The following YPEL3 variants were observed in gnomAD, a reference collection of about 807,000 sequenced individuals.
YPEL3 encodes the protein yippee like 3.
A neutral mutation model predicts 17.5 loss-of-function variants in YPEL3; 5 were observed. The ratio of observed to expected loss-of-function variants is 0.29; its 90% CI spans 0.15 to 0.60. The LOEUF is 0.60. Among genes scored for constraint, YPEL3 ranks in the 20% least tolerant of loss-of-function variants. The probability of loss-of-function intolerance (pLI) is 0.87; values close to 1 mark genes in which losing one functional copy is unlikely to be tolerated. For synonymous variants in YPEL3, 87 were observed against 87.2 expected (o/e 1.00, Z 0.01); for missense variants, 155 against 211.4 (o/e 0.73, Z 1.65).
rs1443519134 is a variant in YPEL3, at chr16:30,092,496, C to A, written c.*214G>T. 3 of 562,524 alleles carry A rather than the reference C, an allele frequency of 5.3e-6. No homozygotes were observed. The highest frequency in any genetic ancestry group is 5.8e-5 in the East Asian group (2 of 34,770). The allele number at this position is 562,524 out of a possible 1,614,324, so 34.8% of individuals were successfully genotyped here. ...GCAGGAACGGGTTAAAAACGAGATC[C>A]AAGCCAGCCAGATCGCAGGAGGTGC... On this transcript the variant is annotated 3_prime_UTR_variant, in exon 4 of 4. Transcript: ENST00000398841.
At chr16:30,094,628 A>G (rs1266374412) in intron 3 of YPEL3, 161 bp downstream of exon 3, 8 of 704,426 alleles carry the variant, frequency 1.1e-5, no homozygotes, top group African/African-American at 3.5e-5. Context: ...AAAGTTCTAC[A>G]CCCCTTGCAA....
In YPEL3 at chr16:30,094,890, C is replaced by T. The variant is rs2072776059; in HGVS notation, c.283G>A (p.Val95Met). 3.1e-6 allele frequency: 5 copies of T among 1,612,354 alleles called. No homozygotes were observed. The highest frequency in any genetic ancestry group is 4.2e-6 in the Non-Finnish European group (5 of 1,179,134). The change falls in exon 3 of 4, where the codon GTG becomes ATG. Residue 95 changes from valine (V) to methionine (M), a missense_variant. By Grantham distance (21) the Val-to-Met change is conservative. This residue lies in a region of YPEL3 where 74 missense variants were observed against 134.9 expected (regional missense o/e 0.55). Transcript: ENST00000398841. ...CGCTCCTCGGCTGGCCCGCAGCCCA[C>T]GTTCACCCTGTGGGGACATGGGGTA... Reference protein sequence around the residue: ...RAYLFNSVVNVGCGPAEERVL... With the variant: ...RAYLFNSVVNMGCGPAEERVL...
rs1276114636 is a variant in YPEL3 at position 30,095,235 on chromosome 16, G to A, written c.231+17C>T. 6.2e-7 allele frequency: 1 copy of A among 1,614,174 alleles called. No individual in the cohort carries two copies. The highest frequency in any genetic ancestry group is 8.5e-7 in the Non-Finnish European group (1 of 1,179,982). On this transcript the variant is annotated intron_variant, in intron 1 of 3. Coordinates refer to ENST00000398841, the MANE Select transcript of YPEL3 (RefSeq NM_031477.5). This position sits in a 1 kb window ranked among gnomAD's most constrained non-coding sequence, Gnocchi z 5.4. ...AGCCCCTATAGGTTCCAGCCCCACT[G>A]TGGCCTGGTTGGTTACCTTGGAGAT...
chr16:30,093,323 C>T (rs1438592354), intron 3 of YPEL3, among the ~76,000 whole-genome samples: 2 of 152,136 alleles, frequency 1.3e-5, no homozygotes, highest in African/African-American at 2.4e-5. Flanking sequence ...AGTGCAACGG[C>T]GCGATATCGG....
chr16:30,094,984 G>A, intron 2 of YPEL3, 87 bp from the exon 3 acceptor site: 3 of 1,592,538 alleles, frequency 1.9e-6, no homozygotes, highest in Non-Finnish European at 2.6e-6. Flanking sequence ...CAGCATCCAA[G>A]AAATGATGCT....
rs981312243 is a variant in YPEL3 at position 30,095,725 on chromosome 16, C to A, written c.-243G>T. The A allele has an allele frequency of 4.1e-6, 2 of 489,312 alleles. No homozygotes were observed. The highest frequency in any genetic ancestry group is 7.2e-6 in the Non-Finnish European group (2 of 277,148). 30.3% of individuals were successfully genotyped at this position (489,312 alleles called of 1,614,324 possible). ...GCTGGAGGAAGGGGCTTTGGAGGGG[C>A]TGGGCTGTCAGTTCCCAGTTTCGGG... is the stretch of plus-strand genomic sequence containing the variant. On this transcript the variant is annotated 5_prime_UTR_variant, in exon 1 of 4. Transcript: ENST00000398841. This position sits in a 1 kb window ranked among gnomAD's most constrained non-coding sequence, Gnocchi z 5.4.
Position 30,092,628 on chromosome 16 carries a change from G to T in YPEL3, c.*82C>A. 2 of 1,330,400 alleles carry T rather than the reference G, an allele frequency of 1.5e-6. No homozygotes were observed. The highest frequency in any genetic ancestry group is 1.1e-6 in the Non-Finnish European group (1 of 927,772). 82.4% of individuals were successfully genotyped at this position (1,330,400 alleles called of 1,614,324 possible). A position where few individuals can be genotyped will look rare whatever the true frequency, so the allele number is the denominator to read the frequency against. ...TCTGCAGGGGCTCTGAGGGTCCAGA[G>T]CTCCCTTCGGGTGGCGGGAAGCCAG... is the stretch of plus-strand genomic sequence containing the variant. On this transcript the variant is annotated 3_prime_UTR_variant, in exon 4 of 4. Transcript: ENST00000398841.
chr16:30,092,829 G>T, intron 3 of YPEL3, 30 bp from the exon 4 acceptor site: 1 of 1,598,672 alleles, frequency 6.3e-7, no homozygotes, highest in Non-Finnish European at 8.6e-7. Flanking sequence ...CGTCATCCCC[G>T]GAGCAACAGT....
At position 30,092,373 on chromosome 16, in the gene YPEL3, C is replaced by G. The variant is rs2072739826; in HGVS notation, c.*337G>C. The G allele has an allele frequency of 3.3e-6, 1 of 302,590 alleles. No individual in the cohort carries two copies. The highest frequency in any genetic ancestry group is 6.3e-6 in the Non-Finnish European group (1 of 158,490). 18.7% of individuals were successfully genotyped at this position (302,590 alleles called of 1,614,324 possible). A position where few individuals can be genotyped will look rare whatever the true frequency, so the allele number is the denominator to read the frequency against. ...CTACAGAACGAGGGGGACAGACACGCGTGGGGTAAGAAGGGCCTGGTGGGA... is the reference window on the plus strand; with the variant it reads ...CTACAGAACGAGGGGGACAGACACGGGTGGGGTAAGAAGGGCCTGGTGGGA... On this transcript the variant is annotated 3_prime_UTR_variant, in exon 4 of 4. Transcript: ENST00000398841.
intron 3 of YPEL3, 113 bp from the exon 4 acceptor site, chr16:30,092,912 A>T: frequency 1.2e-6 from 1 of 867,100 alleles, no homozygotes; most frequent in Non-Finnish European, 1.9e-6. Flanking sequence ...ACTGTGGCCC[A>T]GAGGGGCAGG....
At position 30,094,911 on chromosome 16, in the gene YPEL3, G is replaced by C. The variant is rs540580330; in HGVS notation, c.276-14C>G. ...CCCACGTTCACCCTGTGGGGACATG[G>C]GGTAGTCCCAGGGAGGGTCCTGCCA... On this transcript the variant is annotated splice_polypyrimidine_tract_variant and intron_variant, in intron 2 of 3. Coordinates refer to ENST00000398841, the MANE Select transcript of YPEL3 (RefSeq NM_031477.5). 4.3e-6 allele frequency: 7 copies of C among 1,609,788 alleles called. No individual in the cohort carries two copies. The highest frequency in any genetic ancestry group is 2.7e-5 in the African/African-American group (2 of 75,032).
Position 30,092,601 on chromosome 16 carries a change from C to T in YPEL3, c.*109G>A. The T allele has an allele frequency of 2.1e-6, 2 of 975,452 alleles. No individual in the cohort carries two copies. Among genetic ancestry groups the T allele is most frequent in the Non-Finnish European group, 3.2e-6 (2 of 621,526 alleles). 60.4% of individuals were successfully genotyped at this position (975,452 alleles called of 1,614,324 possible). ...ATATATATACAGGAGCTAGATCCGT[C>T]CTCTGCAGGGGCTCTGAGGGTCCAG... On this transcript the variant is annotated 3_prime_UTR_variant, in exon 4 of 4. Coordinates refer to ENST00000398841, the MANE Select transcript of YPEL3 (RefSeq NM_031477.5).
Position 30,092,474 on chromosome 16 carries a change from G to T in YPEL3, c.*236C>A, listed in dbSNP as rs1021778873. On this transcript the variant is annotated 3_prime_UTR_variant, in exon 4 of 4. Coordinates refer to ENST00000398841, the MANE Select transcript of YPEL3 (RefSeq NM_031477.5). ...CCATAACTATAGGGCAGGTGGGGCAGGAACGGGTTAAAAACGAGATCCAAG... is the reference window on the plus strand; with the variant it reads ...CCATAACTATAGGGCAGGTGGGGCATGAACGGGTTAAAAACGAGATCCAAG... The T allele has an allele frequency of 1.3e-5, 7 of 553,646 alleles. No homozygotes were observed. The highest frequency in any genetic ancestry group is 2.3e-5 in the Non-Finnish European group (7 of 310,028). 34.3% of individuals were successfully genotyped at this position (553,646 alleles called of 1,614,324 possible).
Position 30,095,536 on chromosome 16 carries a change from T to G in YPEL3, c.-54A>C. 7.2e-7 allele frequency: 1 copy of G among 1,394,470 alleles called. No homozygotes were observed. Among genetic ancestry groups the G allele is most frequent in the Non-Finnish European group, 9.5e-7 (1 of 1,056,570 alleles). The allele number at this position is 1,394,470 out of a possible 1,614,324, so 86.4% of individuals were successfully genotyped here. A position where few individuals can be genotyped will look rare whatever the true frequency, so the allele number is the denominator to read the frequency against. Reference sequence around the variant, plus strand: ...CGCTCTGTCACACTGGGCTGCTCTCTCCTTTCCCCAGAGCCAGCAGCCTCT... The same window carrying G: ...CGCTCTGTCACACTGGGCTGCTCTCGCCTTTCCCCAGAGCCAGCAGCCTCT... On this transcript the variant is annotated 5_prime_UTR_variant, in exon 1 of 4. Coordinates refer to ENST00000398841, the MANE Select transcript of YPEL3 (RefSeq NM_031477.5). The surrounding 1 kb of genome is among the most constrained non-coding windows in gnomAD (Gnocchi z 5.4).
At chr16:30,093,491 C>T (rs868519709) in intron 3 of YPEL3, among the ~76,000 whole-genome samples, 1 of 152,108 alleles carries the variant, frequency 6.6e-6, no homozygotes, top group African/African-American at 2.4e-5. Flanking sequence ...GAACTCCTGA[C>T]CTCAGGTGAT....
chr16:30,092,895 T>G, intron 3 of YPEL3, 96 bp from the exon 4 acceptor site: 1 of 1,040,738 alleles, frequency 9.6e-7, no homozygotes, highest in Non-Finnish European at 1.5e-6. Flanking sequence ...ATTTTACATA[T>G]GAGGAAACTG....
At chr16:30,092,952 T>C (rs999005783) in intron 3 of YPEL3, among the ~76,000 whole-genome samples, 153 bp from the exon 4 acceptor site, 4 of 152,142 alleles carry the variant, frequency 2.6e-5, no homozygotes, top group Non-Finnish European at 4.4e-5. Context: ...CAGAGTAGAA[T>C]AGAACTCCCT....
At chr16:30,093,355 C>T (rs1194675975) in intron 3 of YPEL3, among the ~76,000 whole-genome samples, 4 of 152,184 alleles carry the variant, frequency 2.6e-5, no homozygotes, top group Non-Finnish European at 4.4e-5. Context: ...CTCCGCTTCC[C>T]GGGTTCAAGT....
Position 30,094,852 on chromosome 16 carries a change from G to A in YPEL3, c.321C>T (p.Thr107=), listed in dbSNP as rs375880062. 105 of 1,613,896 alleles carry A rather than the reference G, an allele frequency of 6.5e-5. No homozygotes were observed. The highest frequency in any genetic ancestry group is 1.0e-4 in the Admixed American group (6 of 60,010). The change falls in exon 3 of 4, where the codon ACC becomes ACT. Residue 107 remains threonine, a synonymous_variant. Transcript: ENST00000398841. ...GGATGTCGGCGACAGCATGGAGGCC[G>A]GTCAGCAGCACCCGCTCCTCGGCTG... ...CGPAEERVLL[T]GLHAVADIHC... is the part of the protein sequence containing the mutation.
Sources: gnomAD v4.1 joint callset for allele counts (sites outside exome capture counted in the v4.1 genomes callset) on GRCh38, gnomAD v4.1.1 for gene constraint, gnomAD v4.1.1 regional missense constraint, Gnocchi (gnomAD v3.1) non-coding constraint, MANE v1.5 for transcripts, NCBI Gene and HGNC (gene_info 2026-07-23, HGNC 2026-07-21) for gene names.